The following CLEC16A variants were observed in gnomAD, a reference collection of about 807,000 sequenced individuals.
CLEC16A encodes protein CLEC16A.
A neutral mutation model predicts 109.5 loss-of-function variants in CLEC16A; 51 were observed. That is an observed-to-expected ratio of 0.47 (90% CI 0.37 to 0.59). CLEC16A has a LOEUF of 0.59. Ranked by LOEUF, CLEC16A falls within the 20% of genes least tolerant of loss-of-function variation. The pLI is 0.00. For synonymous variants in CLEC16A, 673 were observed against 564.2 expected (o/e 1.19, Z -2.73); for missense variants, 1,339 against 1,394.0 (o/e 0.96, Z 0.63).
At chr16:11,087,962 T>C (rs2050100959) in intron 19 of CLEC16A, among the ~76,000 whole-genome samples, 1 of 152,234 alleles carries the variant, frequency 6.6e-6, no homozygotes, top group South Asian at 2.1e-4. Flanking sequence ...TGGGAGCTCT[T>C]GGGACAAGTC....
intron 19 of CLEC16A, among the ~76,000 whole-genome samples, chr16:11,098,339 A>T (rs1167306657): frequency 6.6e-6 from 1 of 152,244 alleles, no homozygotes; most frequent in Non-Finnish European, 1.5e-5. Context: ...CACGCCGAGG[A>T]TGCAGAAAGG....
At chr16:11,019,019 C>T (rs1312581884) in intron 11 of CLEC16A, among the ~76,000 whole-genome samples, 2 of 152,302 alleles carry the variant, frequency 1.3e-5, no homozygotes, top group Non-Finnish European at 2.9e-5. Flanking sequence ...AGGTGGCAGA[C>T]GTCCCTGCAT....
intron 3 of CLEC16A, among the ~76,000 whole-genome samples, chr16:10,967,316 C>A (rs1240270680): frequency 3.3e-5 from 5 of 152,132 alleles, no homozygotes; most frequent in African/African-American, 1.2e-4. Context: ...TTAGGTACCT[C>A]GACGGCTCCA....
intron 9 of CLEC16A, among the ~76,000 whole-genome samples, chr16:10,982,274 C>G (rs1237895786): frequency 6.6e-6 from 1 of 152,154 alleles, no homozygotes; most frequent in Non-Finnish European, 1.5e-5. Context: ...ATTTTGCATC[C>G]TGGCCCACCT....
intron 10 of CLEC16A, among the ~76,000 whole-genome samples, chr16:10,987,901 C>G (rs1420030818): frequency 6.6e-6 from 1 of 152,096 alleles, no homozygotes; most frequent in African/African-American, 2.4e-5. Context: ...TTTCACAAAA[C>G]CAAACCAAAA....
In CLEC16A at chr16:11,180,728, G is replaced by A. The variant is rs540251885; in HGVS notation, c.*2038G>A. On this transcript the variant is annotated 3_prime_UTR_variant, in exon 24 of 24. Transcript: ENST00000409790. ...AAGTGGCTGCCCCACCCCAAGGCGTGACCAGGAGGAACAGCCTGCAGCTCA... is the reference window on the plus strand; with the variant it reads ...AAGTGGCTGCCCCACCCCAAGGCGTAACCAGGAGGAACAGCCTGCAGCTCA... 6.6e-6 allele frequency: 1 copy of A among 152,406 alleles called. No homozygotes were observed. Among genetic ancestry groups the A allele is most frequent in the South Asian group, 2.1e-4 (1 of 4,828 alleles). 9.4% of individuals were successfully genotyped at this position (152,406 alleles called of 1,614,324 possible). A position where few individuals can be genotyped will look rare whatever the true frequency, so the allele number is the denominator to read the frequency against.
chr16:11,105,601 A>G (rs985257085), intron 19 of CLEC16A, among the ~76,000 whole-genome samples: 1 of 152,202 alleles, frequency 6.6e-6, no homozygotes, highest in African/African-American at 2.4e-5. Context: ...ACTGAGAGAA[A>G]GGAAGTAGCT....
At chr16:11,064,544 A>C (rs2152913045) in intron 19 of CLEC16A, among the ~76,000 whole-genome samples, 1 of 152,314 alleles carries the variant, frequency 6.6e-6, no homozygotes, top group East Asian at 1.9e-4. Flanking sequence ...TGGGAGTCTG[A>C]AGTGGGAAGA....
chr16:11,082,821 T>G (rs529317736), intron 19 of CLEC16A, among the ~76,000 whole-genome samples: 1 of 152,318 alleles, frequency 6.6e-6, no homozygotes, highest in South Asian at 2.1e-4. Context: ...ACCCTAGTTT[T>G]GTTTAGTTGT....
At chr16:10,979,184 C>T (rs1476760315) in intron 8 of CLEC16A, 145 bp from the exon 9 acceptor site, 19 of 631,066 alleles carry the variant, frequency 3.0e-5, no homozygotes, top group Non-Finnish European at 5.1e-5. Flanking sequence ...TGAGTAGCAC[C>T]AAGAAAGGAC....
chr16:11,025,375 C>T (rs890747867), intron 13 of CLEC16A, among the ~76,000 whole-genome samples: 2 of 152,160 alleles, frequency 1.3e-5, no homozygotes, highest in Non-Finnish European at 2.9e-5. Flanking sequence ...GCATAGGTTT[C>T]CTTTCTGAAG....
chr16:10,992,614 TGG>T (rs2044093008), intron 10 of CLEC16A, among the ~76,000 whole-genome samples: 2 of 148,734 alleles, frequency 1.3e-5, no homozygotes. Context: ...ACTTGAGTTC[TGG>T]GTGGGTCATT....
At chr16:11,078,008 T>C (rs1234625381) in intron 19 of CLEC16A, among the ~76,000 whole-genome samples, 2 of 146,968 alleles carry the variant, frequency 1.4e-5, no homozygotes, top group Non-Finnish European at 3.0e-5. Flanking sequence ...TGTGTGTGTG[T>C]GTTTAGAGAA....
intron 1 of CLEC16A, among the ~76,000 whole-genome samples, chr16:10,946,851 C>A (rs1445871315): frequency 6.6e-6 from 1 of 152,206 alleles, no homozygotes; most frequent in African/African-American, 2.4e-5. Context: ...GTTCAGGGGG[C>A]TTCAGTGACT....
intron 22 of CLEC16A, among the ~76,000 whole-genome samples, chr16:11,165,038 T>C (rs2068198581): frequency 1.3e-5 from 2 of 151,906 alleles, no homozygotes; most frequent in South Asian, 4.2e-4. Context: ...CGCCCCCCCA[T>C]ATCTCCACCG....
chr16:11,047,017 T>G (rs1325614949), intron 16 of CLEC16A, among the ~76,000 whole-genome samples: 1 of 109,548 alleles, frequency 9.1e-6, no homozygotes, highest in Non-Finnish European at 2.3e-5. Context: ...TACATAGTAG[T>G]TTTTTTTTTA....
intron 22 of CLEC16A, among the ~76,000 whole-genome samples, chr16:11,159,957 T>G (rs1239624990): frequency 6.6e-6 from 1 of 152,170 alleles, no homozygotes; most frequent in African/African-American, 2.4e-5. Context: ...AGGGCATCTG[T>G]AGGGAATGAG....
intron 13 of CLEC16A, chr16:11,027,166 G>C: frequency 7.1e-7 from 1 of 1,409,024 alleles, no homozygotes; most frequent in Non-Finnish European, 9.9e-7. Context: ...AAAGGGCTCA[G>C]GTTTAAGCTA....
chr16:11,070,724 C>G (rs1390266316), intron 19 of CLEC16A: 1 of 152,300 alleles, frequency 6.6e-6, no homozygotes, highest in Non-Finnish European at 1.5e-5. Context: ...CACCACCTCC[C>G]TGTCTCTGCC....
Sources: gnomAD v4.1 joint callset for allele counts (sites outside exome capture counted in the v4.1 genomes callset) on GRCh38, gnomAD v4.1.1 for gene constraint, MANE v1.5 for transcripts, NCBI Gene and HGNC (gene_info 2026-07-23, HGNC 2026-07-21) for gene names.